The following SPTBN2 variants were observed in gnomAD, a reference collection of about 807,000 sequenced individuals.
SPTBN2 encodes the protein spectrin beta chain, non-erythrocytic 2.
Under a neutral mutation model 284.2 loss-of-function variants are expected in SPTBN2, and 107 were observed. That is an observed-to-expected ratio of 0.38 (90% CI 0.32 to 0.44). SPTBN2 has a LOEUF of 0.44. Among genes scored for constraint, SPTBN2 ranks in the 20% least tolerant of loss-of-function variants. The pLI, the probability that SPTBN2 is intolerant of heterozygous loss-of-function variation, is 1.00. For missense variants in SPTBN2, 2,569 were observed against 3,287.1 expected (o/e 0.78, Z 5.34); for synonymous variants, 1,289 against 1,354.8 (o/e 0.95, Z 1.07).
intron 3 of SPTBN2, among the ~76,000 whole-genome samples, chr11:66,719,055 C>T (rs1422646247): frequency 2.0e-5 from 3 of 152,250 alleles, no homozygotes; most frequent in Admixed American, 6.5e-5. Flanking sequence ...GCAGGAACAG[C>T]GAGGGCGACC....
Position 66,687,224 on chromosome 11 carries a change from C to G in SPTBN2, c.6723-57G>C, listed in dbSNP as rs1436007580. 14 of 1,605,478 alleles carry G rather than the reference C, an allele frequency of 8.7e-6. No homozygotes were observed. Among genetic ancestry groups the G allele is most frequent in the Middle Eastern group, 3.6e-4 (2 of 5,618 alleles). ...TCAGTGGCGCCCGCAACCTGGAGCCCTCTTGGGTGTCCTAGGACTTCCAGT... is the reference window on the plus strand; with the variant it reads ...TCAGTGGCGCCCGCAACCTGGAGCCGTCTTGGGTGTCCTAGGACTTCCAGT... On this transcript the variant is annotated intron_variant, in intron 35 of 37. Coordinates refer to ENST00000533211, the MANE Select transcript of SPTBN2 (RefSeq NM_006946.4). This position sits in a 1 kb window ranked among gnomAD's most constrained non-coding sequence, Gnocchi z 5.2.
chr11:66,706,676 C>G (rs1011434470), intron 13 of SPTBN2, among the ~76,000 whole-genome samples: 5 of 150,360 alleles, frequency 3.3e-5, no homozygotes, highest in Non-Finnish European at 5.9e-5. Context: ...ATCACCTAGG[C>G]TGGAGTGCAG....
chr11:66,732,499 A>G (rs1942820265), upstream of SPTBN2, among the ~76,000 whole-genome samples: 1 of 152,020 alleles, frequency 6.6e-6, no homozygotes, highest in African/African-American at 2.4e-5. Flanking sequence ...AATACAAAAA[A>G]ATTAGCTGGG....
rs776529897 is a variant in SPTBN2 at position 66,687,651 on chromosome 11, G to T, written c.6502-4C>A. The T allele has an allele frequency of 1.6e-5, 25 of 1,589,834 alleles. No homozygotes were observed. The highest frequency in any genetic ancestry group is 4.5e-5 in the South Asian group (4 of 88,782). The stretch of plus-strand genomic sequence containing the variant: ...CTTCGTCCCCTGAGCCAGGTCCCTG[G>T]GGGGGAATCAGTGTCAGTGTCAAAG... On this transcript the variant is annotated splice_region_variant and splice_polypyrimidine_tract_variant and intron_variant, in intron 34 of 37. Transcript: ENST00000533211. This position sits in a 1 kb window ranked among gnomAD's most constrained non-coding sequence, Gnocchi z 5.2.
At chr11:66,689,434 C>T (rs1365574278) in intron 29 of SPTBN2, 12 of 532,948 alleles carry the variant, frequency 2.3e-5, no homozygotes, top group African/African-American at 1.3e-4. Context: ...CCACCACGCC[C>T]GGCTAATTTT....
chr11:66,699,077 T>C lies in SPTBN2; in HGVS notation c.3782A>G (p.Lys1261Arg), dbSNP rs371145706. Residue 1261 changes from lysine to arginine, a missense_variant, in exon 19 of 38, where the codon AAG becomes AGG. Transcript: ENST00000533211. The part of the protein sequence containing the change: ...EKADSIERRH[K>R]KNQDAAQQFL... The stretch of plus-strand genomic sequence containing the variant: ...TTGCTGCGCTGCGTCTTGATTCTTC[T>C]TGTGCCTGGAACGACACCCTCTTGT... The C allele has an allele frequency of 8.7e-6, 14 of 1,614,108 alleles. No homozygotes were observed. The highest frequency in any genetic ancestry group is 1.0e-5 in the Non-Finnish European group (12 of 1,180,058).
Position 66,704,964 on chromosome 11 carries a change from G to C in SPTBN2, c.2312C>G (p.Ser771Cys), listed in dbSNP as rs1941451025. Residue 771 changes from serine (S) to cysteine (C), a missense_variant, in exon 15 of 38, where the codon TCC becomes TGC. Transcript: ENST00000533211. ...CTCGTCGTGCCCCAGCTCGGGGCTG[G>C]ACACCAGGCGCAGTGCGTCAACCAA... is the stretch of plus-strand genomic sequence containing the variant. The part of the protein sequence containing the change: ...AWLVDALRLV[S>C]SPELGHDEFS... The C allele has an allele frequency of 6.2e-7, 1 of 1,609,072 alleles. No homozygotes were observed. The highest frequency in any genetic ancestry group is 8.5e-7 in the Non-Finnish European group (1 of 1,179,874).
At chr11:66,703,408 A>T in intron 15 of SPTBN2, among the ~76,000 whole-genome samples, 1 of 151,928 alleles carries the variant, frequency 6.6e-6, no homozygotes, top group East Asian at 1.9e-4. Flanking sequence ...AACACCAGGA[A>T]ATTTGATTAC....
chr11:66,740,651 CT>C (rs776176081), intron 1 of SPTBN2, among the ~76,000 whole-genome samples: 1 of 152,148 alleles, frequency 6.6e-6, no homozygotes, highest in Non-Finnish European at 1.5e-5. Context: ...GTTATGGGAA[CT>C]GGTATGGGAC....
upstream of SPTBN2, among the ~76,000 whole-genome samples, chr11:66,733,306 A>G (rs1942827053): frequency 6.6e-6 from 1 of 152,170 alleles, no homozygotes; most frequent in Non-Finnish European, 1.5e-5. Flanking sequence ...GGAGGCTACC[A>G]CTGTGGGTAG....
chr11:66,703,782 T>C (rs574979721), intron 15 of SPTBN2, among the ~76,000 whole-genome samples: 1 of 152,216 alleles, frequency 6.6e-6, no homozygotes, highest in East Asian at 1.9e-4. Context: ...ATAATGGTAT[T>C]GTGGTTCTAT....
chr11:66,692,566 G>A lies in SPTBN2; in HGVS notation c.5160C>T (p.His1720=), dbSNP rs763157375. ...IQEREVVAAS[H]ELGQDYEHVT... Reference sequence around the variant, plus strand: ...CATGCTCGTAGTCCTGGCCCAGCTCGTGGGAGGCCGCCACCACCTCGCGCT... The same window carrying A: ...CATGCTCGTAGTCCTGGCCCAGCTCATGGGAGGCCGCCACCACCTCGCGCT... The change falls in exon 26 of 38, where the codon CAC becomes CAT. Residue 1720 remains histidine (H), a synonymous_variant. Coordinates refer to ENST00000533211, the MANE Select transcript of SPTBN2 (RefSeq NM_006946.4). 1.9e-5 allele frequency: 31 copies of A among 1,605,244 alleles called. No homozygotes were observed. In the East Asian group the frequency reaches 2.0e-4, roughly 10 times the overall value.
chr11:66,687,149 G>A lies in SPTBN2; in HGVS notation c.6741C>T (p.Tyr2247=). Residue 2247 remains tyrosine, a synonymous_variant, in exon 36 of 38, where the codon TAC becomes TAT. Transcript: ENST00000533211. This position sits in a 1 kb window ranked among gnomAD's most constrained non-coding sequence, Gnocchi z 5.2. ...KAANRSWQNV[Y]CVLRRGSLGF... Reference sequence around the variant, plus strand: ...CGAGGCTCCCACGCCGCAGGACACAGTACACGTTCTGCCAGGACCTGCGAG... The same window carrying A: ...CGAGGCTCCCACGCCGCAGGACACAATACACGTTCTGCCAGGACCTGCGAG... 1 of 1,614,010 alleles carries A rather than the reference G, an allele frequency of 6.2e-7. No homozygotes were observed. The highest frequency in any genetic ancestry group is 8.5e-7 in the Non-Finnish European group (1 of 1,180,032).
chr11:66,696,780 G>A (rs1002172092), intron 20 of SPTBN2, among the ~76,000 whole-genome samples: 1 of 152,142 alleles, frequency 6.6e-6, no homozygotes, highest in Non-Finnish European at 1.5e-5. Flanking sequence ...GCATTTCAAC[G>A]AGGAAGCCCT....
At position 66,682,677 on chromosome 11, in the gene SPTBN2, G is replaced by A. The variant is rs1483949432; in HGVS notation, c.*3194C>T. ...TACATCTCAGTAGCCACACATGGCT[G>A]GGTGGCTGCTGCTGTGGACAGCATG... is the stretch of plus-strand genomic sequence containing the variant. On this transcript the variant is annotated 3_prime_UTR_variant, in exon 38 of 38. Transcript: ENST00000533211. Among the ~76,000 whole-genome samples the A allele has an allele frequency of 2.6e-5, 4 of 152,170 alleles. No individual in the cohort carries two copies. Among genetic ancestry groups the A allele is most frequent in the African/African-American group, 9.7e-5 (4 of 41,428 alleles).
At chr11:66,732,370 G>A (rs1234715004), upstream of SPTBN2, among the ~76,000 whole-genome samples, 1 of 152,144 alleles carries the variant, frequency 6.6e-6, no homozygotes, top group Admixed American at 6.5e-5. Flanking sequence ...AAAAGAGGCC[G>A]GGTGCAGTGG....
At chr11:66,705,546 TC>T in intron 14 of SPTBN2, 78 bp from the exon 15 acceptor site, 1 of 1,607,098 alleles carries the variant, frequency 6.2e-7, no homozygotes, top group South Asian at 1.1e-5. Flanking sequence ...CTCTTGGACT[TC>T]CCTCCCTGGC....
At chr11:66,725,509 C>T (rs1023971673) in intron 1 of SPTBN2, among the ~76,000 whole-genome samples, 3 of 152,190 alleles carry the variant, frequency 2.0e-5, no homozygotes, top group Non-Finnish European at 4.4e-5. Flanking sequence ...CTCACATTTC[C>T]TCAGTCGGCC....
Position 66,691,601 on chromosome 11 carries a change from G to A in SPTBN2, c.5248C>T (p.Arg1750Cys), listed in dbSNP as rs886048548. 3.7e-6 allele frequency: 6 copies of A among 1,613,802 alleles called. No homozygotes were observed. Among genetic ancestry groups the A allele is most frequent in the South Asian group, 1.1e-5 (1 of 91,090 alleles). Residue 1750 changes from arginine to cysteine, a missense_variant, in exon 27 of 38, where the codon CGC (arginine) becomes TGC (cysteine). Transcript: ENST00000533211. The surrounding 1 kb of genome is among the most constrained non-coding windows in gnomAD (Gnocchi z 8.0). Reference sequence around the variant, plus strand: ...GCCAGCGCATTGGCGCTATCTACGCGCTCCTGACCGATGGTGCTTGTGTCC... The same window carrying A: ...GCCAGCGCATTGGCGCTATCTACGCACTCCTGACCGATGGTGCTTGTGTCC... ...SRDTSTIGQE[R>C]VDSANALANG...
Sources: allele counts gnomAD v4.1 joint callset (sites outside exome capture counted in the v4.1 genomes callset), GRCh38; gene constraint gnomAD v4.1.1; non-coding constraint Gnocchi (gnomAD v3.1); transcripts MANE v1.5; gene names NCBI Gene and HGNC (gene_info 2026-07-23, HGNC 2026-07-21).